Variants in EP400 observed in about 807,000 individuals in gnomAD.
The protein encoded by EP400 is E1A binding protein p400, also known as E1A-binding protein p400.
A neutral mutation model predicts 354.1 loss-of-function variants in EP400; 105 were observed. The ratio of observed to expected loss-of-function variants is 0.30; its 90% CI spans 0.25 to 0.35. The LOEUF is 0.35. EP400 is among the 10% of genes least tolerant of loss of function. The pLI is 1.00. For missense variants in EP400, 3,280 were observed against 4,121.0 expected (o/e 0.80, Z 5.59); for synonymous variants, 1,646 against 1,716.9 (o/e 0.96, Z 1.02).
At chr12:131,973,905 G>A (rs1892380752) in intron 2 of EP400, among the ~76,000 whole-genome samples, 1 of 151,510 alleles carries the variant, frequency 6.6e-6, no homozygotes. Context: ...TGATTATGAT[G>A]TTAGAGAAAA....
chr12:132,069,248 GGGCTGCAGGCAACGGCCAGGCCTCCTGGA>G (rs1895995958), intron 50 of EP400: 1 of 490,226 alleles, frequency 2.0e-6, no homozygotes, highest in African/African-American at 1.9e-5. Context: ...CGGGTGGGGT[GGGCTGCAGGCAACGGCCAGGCCTCCTGGA>G]GGAGAAGCTG....
chr12:132,041,640 T>C (rs1894913144), intron 32 of EP400, among the ~76,000 whole-genome samples: 1 of 152,258 alleles, frequency 6.6e-6, no homozygotes, highest in Admixed American at 6.5e-5. Flanking sequence ...CCTTGTCTTT[T>C]GGTAAGCACG....
At chr12:132,014,758 T>A (rs955220207) in intron 19 of EP400, among the ~76,000 whole-genome samples, 1 of 152,196 alleles carries the variant, frequency 6.6e-6, no homozygotes, top group Non-Finnish European at 1.5e-5. Flanking sequence ...CCCAGCCACG[T>A]GCTGATGTGC....
intron 47 of EP400, among the ~76,000 whole-genome samples, chr12:132,064,452 C>T (rs139178899): frequency 1.5e-3 from 224 of 152,268 alleles, no homozygotes; most frequent in East Asian, 4.2e-3. Context: ...AGTCAGAATC[C>T]GTGTTTGTAG....
intron 50 of EP400, chr12:132,068,333 G>A (rs886468290): frequency 6.6e-6 from 1 of 152,370 alleles, no homozygotes; most frequent in African/African-American, 2.4e-5. Flanking sequence ...TCCTCAAGAC[G>A]GAGGATGTTG....
chr12:132,004,959 A>T (rs1297634000), intron 12 of EP400, 118 bp from the exon 13 acceptor site: 20 of 744,884 alleles, frequency 2.7e-5, no homozygotes, highest in South Asian at 2.5e-4. Flanking sequence ...AAAGGAATAC[A>T]TGTGAGAGGG....
intron 12 of EP400, 96 bp downstream of exon 12, chr12:131,995,052 G>T (rs1039984152): frequency 1.4e-5 from 17 of 1,195,592 alleles, no homozygotes; most frequent in East Asian, 2.5e-5. Context: ...AACAACAGCA[G>T]CAGTGCCTGT....
chr12:132,045,467 C>G lies in EP400; in HGVS notation c.6933C>G (p.Phe2311Leu). ...KNILLKQQVP[F>L]AKPLPTFAKP... Reference sequence around the variant, plus strand: ...TTCTGCTGAAGCAGCAGGTGCCATTCGCCAAGCCCCTGCCAACTTTTGCCA... The same window carrying G: ...TTCTGCTGAAGCAGCAGGTGCCATTGGCCAAGCCCCTGCCAACTTTTGCCA... Residue 2311 changes from phenylalanine to leucine, a missense_variant, in exon 38 of 53, where the codon TTC becomes TTG. Physicochemically the swap from Phe to Leu is conservative, Grantham distance 22. This residue lies in a region of EP400 where 231 missense variants were observed against 257.9 expected (regional missense o/e 0.90). Coordinates refer to ENST00000389561, the MANE Select transcript of EP400 (RefSeq NM_015409.5). 6.2e-7 allele frequency: 1 copy of G among 1,614,174 alleles called. No homozygotes were observed. Among genetic ancestry groups the G allele is most frequent in the Non-Finnish European group, 8.5e-7 (1 of 1,180,032 alleles).
chr12:132,062,161 C>CG lies in EP400; in HGVS notation c.7939dup (p.Ala2647GlyfsTer11). On this transcript the variant is annotated frameshift_variant, in exon 46 of 53. Transcript: ENST00000389561. LOFTEE classifies it high-confidence loss of function. ...GGTGGTGCACACCCAGCCCCCGCCA[C>CG]GGGCAGTCGGCTCCCCAGCCACGGC... is the stretch of plus-strand genomic sequence containing the variant. The CG allele has an allele frequency of 6.2e-7, 1 of 1,614,044 alleles. No individual in the cohort carries two copies. The highest frequency in any genetic ancestry group is 8.5e-7 in the Non-Finnish European group (1 of 1,179,960).
chr12:132,050,181 G>A lies in EP400; in HGVS notation c.7201-142G>A. The A allele has an allele frequency of 9.7e-7, 1 of 1,035,940 alleles. No individual in the cohort carries two copies. The highest frequency in any genetic ancestry group is 1.4e-6 in the Non-Finnish European group (1 of 717,722). The allele number at this position is 1,035,940 out of a possible 1,614,324, so 64.2% of individuals were successfully genotyped here. ...CTGCTGTTGGGTTATGCCTGAACTTGGAAAGAAGGCCCAGGAAAAGGAAGT... is the reference window on the plus strand; with the variant it reads ...CTGCTGTTGGGTTATGCCTGAACTTAGAAAGAAGGCCCAGGAAAAGGAAGT... On this transcript the variant is annotated intron_variant, in intron 39 of 52. Coordinates refer to ENST00000389561, the MANE Select transcript of EP400 (RefSeq NM_015409.5). The surrounding 1 kb of genome is among the most constrained non-coding windows in gnomAD (Gnocchi z 4.8).
At position 132,050,748 on chromosome 12, in the gene EP400, C is replaced by G. The variant is rs552263885; in HGVS notation, c.7394+93C>G. The G allele has an allele frequency of 2.7e-6, 4 of 1,502,582 alleles. No homozygotes were observed. The highest frequency in any genetic ancestry group is 3.4e-5 in the Admixed American group (2 of 59,700). The allele number at this position is 1,502,582 out of a possible 1,614,324, so 93.1% of individuals were successfully genotyped here. A position where few individuals can be genotyped will look rare whatever the true frequency, so the allele number is the denominator to read the frequency against. On this transcript the variant is annotated intron_variant, in intron 41 of 52. Transcript: ENST00000389561. The surrounding 1 kb of genome is among the most constrained non-coding windows in gnomAD (Gnocchi z 4.8). The stretch of plus-strand genomic sequence containing the variant: ...AGTGAGTTCAGCAAATCGTTGTGCA[C>G]TTAGCGTGTTCAGGCATCAGCTGGA...
chr12:132,072,566 C>G (rs948472420), intron 51 of EP400, among the ~76,000 whole-genome samples: 1 of 152,162 alleles, frequency 6.6e-6, no homozygotes, highest in Non-Finnish European at 1.5e-5. Flanking sequence ...TTGAAACTTG[C>G]TATCTAGTCC....
chr12:131,983,352 T>C (rs187426991), intron 5 of EP400, among the ~76,000 whole-genome samples: 7 of 152,382 alleles, frequency 4.6e-5, no homozygotes, highest in African/African-American at 1.7e-4. Flanking sequence ...TTGATACACA[T>C]GTGTAAGGCG....
intron 32 of EP400, among the ~76,000 whole-genome samples, chr12:132,041,529 T>C (rs1894908619): frequency 1.3e-5 from 2 of 152,192 alleles, no homozygotes; most frequent in Admixed American, 6.5e-5. Flanking sequence ...TTCTCATTGC[T>C]GTCTAGAGTT....
chr12:132,041,779 C>T (rs1053507230), intron 32 of EP400, among the ~76,000 whole-genome samples: 1 of 152,106 alleles, frequency 6.6e-6, no homozygotes, highest in African/African-American at 2.4e-5. Flanking sequence ...ACTGTAGCTG[C>T]AGGGCAGAAT....
chr12:132,042,094 G>A (rs533292209), intron 32 of EP400, among the ~76,000 whole-genome samples: 1 of 151,822 alleles, frequency 6.6e-6, no homozygotes, highest in African/African-American at 2.4e-5. Flanking sequence ...GGAATTACAG[G>A]TGCATGCCAC....
intron 31 of EP400, 35 bp from the exon 32 acceptor site, chr12:132,037,918 T>A: frequency 1.2e-6 from 2 of 1,613,918 alleles, no homozygotes; most frequent in Non-Finnish European, 1.7e-6. Context: ...CACTTGGACC[T>A]TGTACTGGGG....
At chr12:132,043,886 G>A (rs1303658650) in intron 34 of EP400, among the ~76,000 whole-genome samples, 158 bp downstream of exon 34, 1 of 152,206 alleles carries the variant, frequency 6.6e-6, no homozygotes, top group East Asian at 1.9e-4. Flanking sequence ...CGAGAAGCCC[G>A]TAGGGACCGT....
intron 29 of EP400, among the ~76,000 whole-genome samples, chr12:132,030,463 T>G (rs1239092389): frequency 6.6e-6 from 1 of 152,166 alleles, no homozygotes; most frequent in Admixed American, 6.5e-5. Context: ...TTCCAACCAA[T>G]TTAGAATGAA....
Sources: gnomAD v4.1 joint callset for allele counts (sites outside exome capture counted in the v4.1 genomes callset) on GRCh38, gnomAD v4.1.1 for gene constraint, gnomAD v4.1.1 regional missense constraint, Gnocchi (gnomAD v3.1) non-coding constraint, MANE v1.5 for transcripts, NCBI Gene and HGNC (gene_info 2026-07-23, HGNC 2026-07-21) for gene names.